PCDH15: variants seen among roughly 807,000 people sequenced by gnomAD.
The protein encoded by PCDH15 is protocadherin-15.
In PCDH15, 129 loss-of-function variants were observed where a neutral mutation model predicts 178.5. That is an observed-to-expected ratio of 0.72 (90% CI 0.63 to 0.84). PCDH15 has a LOEUF of 0.84. Among genes scored for constraint, PCDH15 ranks in the 40% least tolerant of loss-of-function variants. The probability of loss-of-function intolerance (pLI) is 0.00; values close to 1 mark genes in which losing one functional copy is unlikely to be tolerated. For synonymous variants in PCDH15, 800 were observed against 732.0 expected (o/e 1.09, Z -1.50); for missense variants, 2,230 against 2,099.9 (o/e 1.06, Z -1.21).
chr10:54,981,107 T>C (rs1447623739), intron 2 of PCDH15, among the ~76,000 whole-genome samples: 1 of 152,144 alleles, frequency 6.6e-6, no homozygotes, highest in Admixed American at 6.6e-5. Flanking sequence ...TATATCTACA[T>C]TTTGATTCTC....
intron 2 of PCDH15, among the ~76,000 whole-genome samples, chr10:55,587,947 G>T (rs1012964387): frequency 1.3e-5 from 2 of 152,138 alleles, no homozygotes; most frequent in African/African-American, 4.8e-5. Context: ...AGAAAGCAGA[G>T]CAAATGAACC....
rs1411061879 is a variant in PCDH15, at chr10:54,317,312, G to C, written c.835C>G (p.Pro279Ala). Residue 279 changes from proline to alanine, a missense_variant, in exon 8 of 38, where the codon CCA (proline) becomes GCA (alanine). Physicochemically the swap from Pro to Ala is conservative, Grantham distance 27 (BLOSUM62 -1). Transcript: ENST00000644397. ...VLVPNTRDCR[P>A]LTYQAAIPEL... ...GGTATGGCAGCTTGATAAGTGAGTG[G>C]ACGGCAATCACGAGTGTTTGGCACA... is the stretch of plus-strand genomic sequence containing the variant. 10 of 1,613,892 alleles carry C rather than the reference G, an allele frequency of 6.2e-6. No homozygotes were observed. Among genetic ancestry groups the C allele is most frequent in the Non-Finnish European group, 8.5e-6 (10 of 1,179,894 alleles).
In PCDH15 at chr10:54,322,310, T is replaced by C. The variant is rs1056725637; in HGVS notation, c.706-4869A>G. ...TATATTAAAATCCACAAAGAAGATCTCCTTTCTTCCCTTTCCCATTTTCAT... is the reference window on the plus strand; with the variant it reads ...TATATTAAAATCCACAAAGAAGATCCCCTTTCTTCCCTTTCCCATTTTCAT... On this transcript the variant is annotated intron_variant, in intron 7 of 37. Transcript: ENST00000644397. Among the ~76,000 whole-genome samples, 118 of 151,918 alleles carry C rather than the reference T, an allele frequency of 7.8e-4. 5 individuals are homozygous for C. The highest frequency in any genetic ancestry group is 2.2e-4 in the Non-Finnish European group (15 of 67,900).
chr10:54,161,590 C>T (rs1341522871), intron 13 of PCDH15, among the ~76,000 whole-genome samples: 11 of 97,084 alleles, frequency 1.1e-4, no homozygotes, highest in Non-Finnish European at 2.0e-4. Context: ...TGACCCCCCA[C>T]CCCCACCCCA....
rs373786390 is a variant in PCDH15, at chr10:54,122,593, A to G, written c.1917+10282T>C. ...AGCATCCAAATAGCAAAAAAAAAAG[A>G]AAAAAAAATCAGACTATCTGCCTTC... On this transcript the variant is annotated intron_variant, in intron 15 of 37. Transcript: ENST00000644397. Among the ~76,000 whole-genome samples, 6 of 142,412 alleles carry G rather than the reference A, an allele frequency of 4.2e-5. No individual in the cohort carries two copies. The East Asian group carries it at 6.0e-4, about 14-fold the overall frequency. The allele number at this position is 142,412 out of a possible 152,430, so 93.4% of individuals were successfully genotyped here.
intron 2 of PCDH15, among the ~76,000 whole-genome samples, chr10:55,046,929 G>A (rs796507796): frequency 2.0e-5 from 3 of 151,968 alleles, no homozygotes; most frequent in African/African-American, 7.2e-5. Flanking sequence ...GAGTTTGAAA[G>A]CAAAAAGAAA....
intron 23 of PCDH15, among the ~76,000 whole-genome samples, chr10:53,949,055 T>C (rs2086802117): frequency 6.6e-6 from 1 of 152,236 alleles, no homozygotes. Flanking sequence ...GTTGAACTGT[T>C]TGGACTTGAG....
At chr10:53,983,270 A>T (rs999649017) in intron 21 of PCDH15, among the ~76,000 whole-genome samples, 6 of 151,000 alleles carry the variant, frequency 4.0e-5, no homozygotes, top group Non-Finnish European at 7.4e-5. Flanking sequence ...ACACACACAA[A>T]ATATATATAT....
chr10:54,149,741 A>G (rs113011883), intron 14 of PCDH15, among the ~76,000 whole-genome samples: 1,776 of 152,318 alleles, frequency 0.012, 24 homozygotes, highest in Middle Eastern at 0.031. Context: ...AGGATCACCC[A>G]GGCTATTGTG....
chr10:54,405,763 A>C (rs1040558330), intron 3 of PCDH15, among the ~76,000 whole-genome samples: 11 of 151,978 alleles, frequency 7.2e-5, no homozygotes, highest in African/African-American at 2.7e-4. Context: ...TGTAACTGTA[A>C]AAAAGAGAGA....
At chr10:53,943,562 G>C (rs1233119066) in intron 23 of PCDH15, among the ~76,000 whole-genome samples, 1 of 151,842 alleles carries the variant, frequency 6.6e-6, no homozygotes, top group African/African-American at 2.4e-5. Flanking sequence ...AAAAATGCAC[G>C]TGTACATTTT....
At chr10:55,112,116 T>A (rs1837524008) in intron 2 of PCDH15, among the ~76,000 whole-genome samples, 1 of 152,136 alleles carries the variant, frequency 6.6e-6, no homozygotes, top group African/African-American at 2.4e-5. Flanking sequence ...TTTCCTACTA[T>A]TGATATATTT....
chr10:54,648,913 G>A (rs2094193674), intron 2 of PCDH15, among the ~76,000 whole-genome samples: 1 of 152,120 alleles, frequency 6.6e-6, no homozygotes, highest in Non-Finnish European at 1.5e-5. Flanking sequence ...ATTGATGACT[G>A]TGTTAACAAT....
chr10:54,431,088 T>C (rs1012813058), intron 3 of PCDH15, among the ~76,000 whole-genome samples: 6 of 151,864 alleles, frequency 4.0e-5, no homozygotes, highest in African/African-American at 1.5e-4. Context: ...GAACAACCAA[T>C]AACAAGTAAC....
intron 2 of PCDH15, among the ~76,000 whole-genome samples, chr10:54,998,189 A>G (rs2131926064): frequency 6.6e-6 from 1 of 152,276 alleles, no homozygotes. Flanking sequence ...GTTTTGCCAT[A>G]AAATAAAATG....
chr10:54,608,093 C>A, intron 2 of PCDH15: 1 of 393,688 alleles, frequency 2.5e-6, no homozygotes, highest in South Asian at 1.8e-5. Context: ...AGTGATAGAG[C>A]CAAAAAGAGG....
chr10:55,579,861 G>A (rs1210503022), intron 2 of PCDH15, among the ~76,000 whole-genome samples: 1 of 151,646 alleles, frequency 6.6e-6, no homozygotes, highest in Non-Finnish European at 1.5e-5. Flanking sequence ...TTTGTTTTTT[G>A]TTTTTTGTTT....
chr10:54,281,446 TAATTA>T (rs1384714533), intron 8 of PCDH15, among the ~76,000 whole-genome samples: 22 of 151,924 alleles, frequency 1.4e-4, no homozygotes, highest in Admixed American at 7.9e-4. Flanking sequence ...TTGCAAAGCC[TAATTA>T]AATTAATATA....
chr10:54,774,148 C>T (rs1949437970), intron 1 of PCDH15, among the ~76,000 whole-genome samples: 1 of 150,898 alleles, frequency 6.6e-6, no homozygotes, highest in South Asian at 2.1e-4. Context: ...CCTGCCTCAA[C>T]CTCCCGAGTA....
Sources: gnomAD v4.1 joint callset for allele counts (sites outside exome capture counted in the v4.1 genomes callset) on GRCh38, gnomAD v4.1.1 for gene constraint, MANE v1.5 for transcripts, NCBI Gene and HGNC (gene_info 2026-07-23, HGNC 2026-07-21) for gene names.